Variants in SEC14L1 observed in about 807,000 individuals in gnomAD.
SEC14L1 encodes the protein SEC14-like protein 1.
In SEC14L1, 48 loss-of-function variants were observed where a neutral mutation model predicts 85.3. The observed-to-expected ratio is 0.56, with a 90% CI of 0.45 to 0.72. The LOEUF is 0.72. SEC14L1 is among the 30% of genes least tolerant of loss of function. The pLI, the probability that SEC14L1 is intolerant of heterozygous loss-of-function variation, is 0.00. For missense variants in SEC14L1, 682 were observed against 921.4 expected (o/e 0.74, Z 3.36); for synonymous variants, 391 against 355.5 (o/e 1.10, Z -1.12).
chr17:77,108,827 C>CT (rs78214523), intron 3 of SEC14L1, among the ~76,000 whole-genome samples: 193 of 129,798 alleles, frequency 1.5e-3, no homozygotes, highest in African/African-American at 1.5e-3. Flanking sequence ...TCATCTGTTT[C>CT]TTTTTTTTTT....
chr17:77,111,576 A>T (rs373021164), intron 3 of SEC14L1, among the ~76,000 whole-genome samples: 8 of 152,126 alleles, frequency 5.3e-5, no homozygotes, highest in Admixed American at 2.6e-4. Context: ...CTCTTGCATC[A>T]GTGTGACCTG....
At chr17:77,123,240 G>A (rs550108354) in intron 3 of SEC14L1, among the ~76,000 whole-genome samples, 3 of 151,434 alleles carry the variant, frequency 2.0e-5, no homozygotes, top group East Asian at 1.9e-4. Flanking sequence ...TAGTAGAGAT[G>A]GGGATTCACC....
At chr17:77,124,842 T>C (rs905590410) in intron 3 of SEC14L1, among the ~76,000 whole-genome samples, 7 of 152,122 alleles carry the variant, frequency 4.6e-5, no homozygotes, top group African/African-American at 1.7e-4. Flanking sequence ...CGCTTAACTG[T>C]TTAAAGCAAG....
intron 3 of SEC14L1, among the ~76,000 whole-genome samples, chr17:77,108,980 A>T (rs547350919): frequency 3.3e-5 from 5 of 152,002 alleles, no homozygotes; most frequent in African/African-American, 9.6e-5. Flanking sequence ...CAGCCACCAC[A>T]CCAGCTAATT....
chr17:77,209,156 A>G (rs1039454846), intron 13 of SEC14L1, among the ~76,000 whole-genome samples, 186 bp from the exon 14 acceptor site: 2 of 152,196 alleles, frequency 1.3e-5, no homozygotes, highest in Admixed American at 6.5e-5. Context: ...AAACACATGT[A>G]TTTAAGTGGT....
intron 8 of SEC14L1, 122 bp downstream of exon 8, chr17:77,196,433 G>A: frequency 1.6e-6 from 1 of 625,842 alleles, no homozygotes; most frequent in South Asian, 2.1e-5. Context: ...GTTTCTTCCA[G>A]TTTAGAAGTC....
chr17:77,138,636 C>CAAAA (rs972072284), upstream of SEC14L1, among the ~76,000 whole-genome samples: 2 of 151,362 alleles, frequency 1.3e-5, no homozygotes, highest in Admixed American at 1.3e-4. Flanking sequence ...AACAAACAAA[C>CAAAA]AAAAAAACAA....
At chr17:77,181,342 G>T (rs931709983) in intron 3 of SEC14L1, among the ~76,000 whole-genome samples, 5 of 152,168 alleles carry the variant, frequency 3.3e-5, no homozygotes, top group African/African-American at 7.2e-5. Context: ...ATTTCTTTTT[G>T]TTAATACAGT....
chr17:77,159,697 T>A (rs543349478), intron 3 of SEC14L1, among the ~76,000 whole-genome samples: 1 of 152,294 alleles, frequency 6.6e-6, no homozygotes, highest in African/African-American at 2.4e-5. Flanking sequence ...TTATATTTGA[T>A]AGATTCCAGA....
At chr17:77,178,572 G>T (rs1302687586) in intron 3 of SEC14L1, among the ~76,000 whole-genome samples, 1 of 152,228 alleles carries the variant, frequency 6.6e-6, no homozygotes, top group African/African-American at 2.4e-5. Flanking sequence ...TTTTGTGGAA[G>T]ACAGTTGTTC....
Position 77,214,126 on chromosome 17 carries a change from A to C in SEC14L1, c.*103A>C, listed in dbSNP as rs1976920844. ...CGGCGACATTGTACAGACTCCTCTCACCTCTAGATAGCAAATAGCTCTCAG... is the reference window on the plus strand; with the variant it reads ...CGGCGACATTGTACAGACTCCTCTCCCCTCTAGATAGCAAATAGCTCTCAG... On this transcript the variant is annotated 3_prime_UTR_variant, in exon 17 of 17. Coordinates refer to ENST00000436233, the MANE Select transcript of SEC14L1 (RefSeq NM_001143998.2). 1.3e-6 allele frequency: 2 copies of C among 1,490,760 alleles called. No individual in the cohort carries two copies. Among genetic ancestry groups the C allele is most frequent in the Non-Finnish European group, 8.9e-7 (1 of 1,122,834 alleles). The allele number at this position is 1,490,760 out of a possible 1,614,324, so 92.3% of individuals were successfully genotyped here. A position where few individuals can be genotyped will look rare whatever the true frequency, so the allele number is the denominator to read the frequency against.
intron 3 of SEC14L1, among the ~76,000 whole-genome samples, chr17:77,128,409 TA>T (rs1972513804): frequency 7.2e-5 from 1 of 13,878 alleles, no homozygotes; most frequent in Non-Finnish European, 1.6e-4. Flanking sequence ...TATTTTATTT[TA>T]TTTTATTTTA....
At chr17:77,147,636 T>C (rs1190934683) in intron 3 of SEC14L1, among the ~76,000 whole-genome samples, 1 of 152,180 alleles carries the variant, frequency 6.6e-6, no homozygotes, top group Non-Finnish European at 1.5e-5. Context: ...AGTGTTCTTT[T>C]CTCATACTAT....
At chr17:77,102,066 A>C (rs1971790981) in intron 3 of SEC14L1, among the ~76,000 whole-genome samples, 1 of 152,248 alleles carries the variant, frequency 6.6e-6, no homozygotes, top group Non-Finnish European at 1.5e-5. Flanking sequence ...ATTTAAAAAC[A>C]AAATCCCCCA....
chr17:77,192,619 C>T (rs189662273), intron 5 of SEC14L1, among the ~76,000 whole-genome samples: 21 of 152,174 alleles, frequency 1.4e-4, no homozygotes, highest in South Asian at 1.0e-3. Flanking sequence ...TGGCCAGCCC[C>T]AGCCACCCAT....
chr17:77,209,093 A>C (rs1487675871), intron 13 of SEC14L1, among the ~76,000 whole-genome samples: 2 of 152,216 alleles, frequency 1.3e-5, no homozygotes, highest in South Asian at 2.1e-4. Flanking sequence ...CACGCATTTT[A>C]GTAGGAATTC....
chr17:77,132,357 C>A (rs1972638089), intron 3 of SEC14L1, among the ~76,000 whole-genome samples: 1 of 151,684 alleles, frequency 6.6e-6, no homozygotes, highest in African/African-American at 2.4e-5. Flanking sequence ...CAAGTAGCTG[C>A]GATTACAGGC....
At chr17:77,147,716 A>G (rs1427411369) in intron 3 of SEC14L1, among the ~76,000 whole-genome samples, 1 of 152,218 alleles carries the variant, frequency 6.6e-6, no homozygotes, top group Non-Finnish European at 1.5e-5. Flanking sequence ...CTTCTTGGCC[A>G]CACACAAACG....
intron 3 of SEC14L1, among the ~76,000 whole-genome samples, chr17:77,151,695 G>A (rs1410056856): frequency 6.6e-6 from 1 of 152,122 alleles, no homozygotes; most frequent in Non-Finnish European, 1.5e-5. Flanking sequence ...CCATCACCCA[G>A]TTTCAATGTT....
Sources: allele counts gnomAD v4.1 joint callset (sites outside exome capture counted in the v4.1 genomes callset), GRCh38; gene constraint gnomAD v4.1.1; transcripts MANE v1.5; gene names NCBI Gene and HGNC (gene_info 2026-07-23, HGNC 2026-07-21).